The following UBR4 variants were observed in gnomAD, a reference collection of about 807,000 sequenced individuals.
UBR4 encodes ubiquitin protein ligase E3 component n-recognin 4.
In UBR4, 124 loss-of-function variants were observed where a neutral mutation model predicts 575.6. The ratio of observed to expected loss-of-function variants is 0.22; its 90% CI spans 0.19 to 0.25. The LOEUF is 0.25. Ranked by LOEUF, UBR4 falls within the 10% of genes least tolerant of loss-of-function variation. The pLI, the probability that UBR4 is intolerant of heterozygous loss-of-function variation, is 1.00. For synonymous variants in UBR4, 2,455 were observed against 2,473.7 expected (o/e 0.99, Z 0.22); for missense variants, 4,818 against 6,478.8 (o/e 0.74, Z 8.80).
intron 60 of UBR4, among the ~76,000 whole-genome samples, chr1:19,129,443 C>G (rs906219592): frequency 6.6e-6 from 1 of 152,196 alleles, no homozygotes; most frequent in Non-Finnish European, 1.5e-5. Flanking sequence ...ATATGTGGCC[C>G]TATTCTGCCT....
At chr1:19,201,095 C>T (rs774403273) in intron 2 of UBR4, among the ~76,000 whole-genome samples, 6 of 152,140 alleles carry the variant, frequency 3.9e-5, no homozygotes, top group Non-Finnish European at 4.4e-5. Flanking sequence ...GCTATGATCA[C>T]GCCACTGCAC....
At chr1:19,111,386 T>C (rs1347674544) in intron 78 of UBR4, among the ~76,000 whole-genome samples, 1 of 152,166 alleles carries the variant, frequency 6.6e-6, no homozygotes, top group African/African-American at 2.4e-5. Context: ...GACCTAAGCC[T>C]CCTCCCGAGT....
At chr1:19,141,574 G>C in intron 56 of UBR4, 50 bp from the exon 57 acceptor site, 1 of 1,598,306 alleles carries the variant, frequency 6.3e-7, no homozygotes, top group Non-Finnish European at 8.5e-7. Flanking sequence ...GTAACTTTTG[G>C]AAGTCCACTG....
intron 84 of UBR4, 142 bp from the exon 85 acceptor site, chr1:19,105,331 A>G: frequency 9.9e-7 from 1 of 1,010,896 alleles, no homozygotes; most frequent in Non-Finnish European, 1.4e-6. Context: ...AACAGCATCC[A>G]AGACAGCTCC....
At chr1:19,172,765 T>C in intron 25 of UBR4, 99 bp downstream of exon 25, 3 of 1,275,288 alleles carry the variant, frequency 2.4e-6, no homozygotes, top group Non-Finnish European at 3.3e-6. Flanking sequence ...AAAAAACCCC[T>C]AAGCTGAAGA....
At chr1:19,092,213 G>A (rs569559105) in intron 97 of UBR4, among the ~76,000 whole-genome samples, 1 of 152,264 alleles carries the variant, frequency 6.6e-6, no homozygotes, top group Admixed American at 6.5e-5. Flanking sequence ...TGTGGTGTGT[G>A]CTCGGGTTCC....
In UBR4 at chr1:19,115,498, T is replaced by C; in HGVS notation, c.10963A>G (p.Thr3655Ala). ...ADFYENYQAS[T>A]ETLQCPRCSA... ...CAGCGAGGGCACTGCAGGGTCTCTG[T>C]GGAGGCCTGGTAGTTTTCATAGAAG... Residue 3655 changes from threonine to alanine, a missense_variant, in exon 74 of 106, where the codon ACA becomes GCA. Thr to Ala is a moderately conservative substitution (Grantham distance 58). Around this residue, in one of 29 missense-constraint regions of UBR4, gnomAD observed 550 missense variants for 791.5 expected, o/e 0.69. Coordinates refer to ENST00000375254, the MANE Select transcript of UBR4 (RefSeq NM_020765.3). The C allele has an allele frequency of 1.6e-5, 26 of 1,614,226 alleles. No individual in the cohort carries two copies. The highest frequency in any genetic ancestry group is 2.1e-5 in the Non-Finnish European group (25 of 1,180,028).
intron 18 of UBR4, 123 bp from the exon 19 acceptor site, chr1:19,177,866 G>A: frequency 8.4e-7 from 1 of 1,184,396 alleles, no homozygotes. Flanking sequence ...AATTAAGGAA[G>A]AAAAAAAGGC....
At position 19,198,019 on chromosome 1, in the gene UBR4, T is replaced by C; in HGVS notation, c.679A>G (p.Thr227Ala). 1 of 1,614,086 alleles carries C rather than the reference T, an allele frequency of 6.2e-7. No homozygotes were observed. The highest frequency in any genetic ancestry group is 8.5e-7 in the Non-Finnish European group (1 of 1,180,038). The change falls in exon 6 of 106, where the codon ACA becomes GCA. Residue 227 changes from threonine to alanine, a missense_variant. Physicochemically the swap from Thr to Ala is moderately conservative, Grantham distance 58. Transcript: ENST00000375254. ...GTTTTGATAGCTGAGGCTTGATCTGTAGATGACTGCTCATCATTTTCTCCT... is the reference window on the plus strand; with the variant it reads ...GTTTTGATAGCTGAGGCTTGATCTGCAGATGACTGCTCATCATTTTCTCCT... ...VEGENDEQSS[T>A]DQASAIKTKN...
intron 7 of UBR4, 126 bp downstream of exon 7, chr1:19,197,544 G>T: frequency 1.5e-6 from 2 of 1,364,224 alleles, no homozygotes; most frequent in Non-Finnish European, 2.0e-6. Flanking sequence ...TGGGAGAACT[G>T]CTTGAACCAG....
intron 49 of UBR4, among the ~76,000 whole-genome samples, chr1:19,149,026 C>A (rs2085281434): frequency 6.6e-6 from 1 of 152,196 alleles, no homozygotes; most frequent in African/African-American, 2.4e-5. Context: ...AAGGTAAAAA[C>A]CATCCTCTTA....
At position 19,164,250 on chromosome 1, in the gene UBR4, T is replaced by C; in HGVS notation, c.4700+3A>G. On this transcript the variant is annotated splice_donor_region_variant and intron_variant, in intron 33 of 105. Coordinates refer to ENST00000375254, the MANE Select transcript of UBR4 (RefSeq NM_020765.3). ...ACCTACAGATACAACTTCATCATCT[T>C]ACCATCTGCTCAGCCAATCCACAGC... The C allele has an allele frequency of 6.2e-7, 1 of 1,609,850 alleles. No homozygotes were observed. The highest frequency in any genetic ancestry group is 8.5e-7 in the Non-Finnish European group (1 of 1,176,822).
chr1:19,148,720 C>T (rs2085230800), intron 49 of UBR4, 94 bp from the exon 50 acceptor site: 2 of 1,352,746 alleles, frequency 1.5e-6, no homozygotes, highest in East Asian at 2.3e-5. Context: ...ACCTTGGGGA[C>T]AGCTAATGAA....
At chr1:19,159,763 A>G (rs1228189168) in intron 39 of UBR4, among the ~76,000 whole-genome samples, 1 of 150,674 alleles carries the variant, frequency 6.6e-6, no homozygotes, top group African/African-American at 2.5e-5. Context: ...ATGCCAAGCT[A>G]AATTTTTTGT....
At chr1:19,201,898 T>C in intron 1 of UBR4, 83 bp from the exon 2 acceptor site, 2 of 1,145,002 alleles carry the variant, frequency 1.7e-6, no homozygotes, top group Non-Finnish European at 2.5e-6. Flanking sequence ...TTACATTATT[T>C]AATCCTTACT....
chr1:19,104,378 G>A (rs976905565), intron 86 of UBR4, 121 bp from the exon 87 acceptor site: 1 of 1,307,846 alleles, frequency 7.6e-7, no homozygotes, highest in Non-Finnish European at 1.0e-6. Context: ...GCATGGCACA[G>A]AGCAGGTGTT....
intron 55 of UBR4, 134 bp downstream of exon 55, chr1:19,143,846 G>C: frequency 1.5e-6 from 1 of 661,596 alleles, no homozygotes; most frequent in South Asian, 2.2e-5. Context: ...GGTGAGGTAG[G>C]ATTAGAAAAA....
chr1:19,124,378 T>C, intron 65 of UBR4, 163 bp downstream of exon 65: 1 of 882,660 alleles, frequency 1.1e-6, no homozygotes. Context: ...CCCACAGTTC[T>C]ACCACACAGT....
At position 19,156,347 on chromosome 1, in the gene UBR4, C is replaced by G. The variant is rs1204375905; in HGVS notation, c.5996G>C (p.Gly1999Ala). 6.2e-7 allele frequency: 1 copy of G among 1,614,052 alleles called. No individual in the cohort carries two copies. Among genetic ancestry groups the G allele is most frequent in the Non-Finnish European group, 8.5e-7 (1 of 1,180,024 alleles). The change falls in exon 42 of 106, where the codon GGG becomes GCG. Residue 1999 changes from glycine (G) to alanine (A), a missense_variant. By Grantham distance (60) the Gly-to-Ala change is moderately conservative. Around this residue, in one of 29 missense-constraint regions of UBR4, gnomAD observed 461 missense variants for 606.9 expected, o/e 0.76. Transcript: ENST00000375254. ...HLVLHPQLAT[G>A]NFIIKAVWLP... ...CCACACGGCTTTGATGATGAAGTTC[C>G]CCGTTGCCAACTGAGGGTGCAAAAC... is the stretch of plus-strand genomic sequence containing the variant.
Sources: gnomAD v4.1 joint callset for allele counts (sites outside exome capture counted in the v4.1 genomes callset) on GRCh38, gnomAD v4.1.1 for gene constraint, gnomAD v4.1.1 regional missense constraint, MANE v1.5 for transcripts, NCBI Gene and HGNC (gene_info 2026-07-23, HGNC 2026-07-21) for gene names.